Variants in KCNH5 observed in about 807,000 individuals in gnomAD.
KCNH5 encodes voltage-gated delayed rectifier potassium channel KCNH5.
Under a neutral mutation model 96.1 loss-of-function variants are expected in KCNH5, and 46 were observed. The observed-to-expected ratio is 0.48, with a 90% CI of 0.38 to 0.61. The LOEUF is 0.61. KCNH5 is among the 20% of genes least tolerant of loss of function. The pLI is 0.00. For synonymous variants in KCNH5, 439 were observed against 449.8 expected (o/e 0.98, Z 0.30); for missense variants, 907 against 1,225.8 (o/e 0.74, Z 3.88).
intron 7 of KCNH5, among the ~76,000 whole-genome samples, chr14:62,938,518 G>A (rs568905391): frequency 5.7e-4 from 87 of 152,298 alleles, no homozygotes; most frequent in African/African-American, 1.9e-3. Context: ...CCTTTGGTAT[G>A]ACATTTATTT....
chr14:62,930,666 T>C (rs1440304414), intron 7 of KCNH5, among the ~76,000 whole-genome samples: 1 of 152,134 alleles, frequency 6.6e-6, no homozygotes, highest in Non-Finnish European at 1.5e-5. Flanking sequence ...TCACACAGCA[T>C]TGTGAAGAAT....
chr14:62,775,500 A>G (rs1375906007), intron 10 of KCNH5, among the ~76,000 whole-genome samples: 2 of 152,230 alleles, frequency 1.3e-5, no homozygotes, highest in Non-Finnish European at 2.9e-5. Flanking sequence ...CCCACAAGGC[A>G]ATGTCCTACC....
Position 62,982,749 on chromosome 14 carries a change from T to C in KCNH5, c.550-1485A>G, listed in dbSNP as rs141887069. On this transcript the variant is annotated intron_variant, in intron 5 of 10. Transcript: ENST00000322893. The stretch of plus-strand genomic sequence containing the variant: ...ATATCCATTTTTACTATTTTTGATA[T>C]GGAAAACATCACTGGTGGTCCCTTT... Among the ~76,000 whole-genome samples the C allele has an allele frequency of 5.9e-5, 9 of 152,346 alleles. No homozygotes were observed. In the East Asian group the frequency reaches 1.7e-3, roughly 29 times the overall value.
At chr14:62,713,920 C>A (rs1338388119) in intron 10 of KCNH5, among the ~76,000 whole-genome samples, 1 of 152,164 alleles carries the variant, frequency 6.6e-6, no homozygotes. Context: ...AGCTATATTT[C>A]CATGGTAATT....
chr14:63,039,487 A>T (rs1891782959), intron 1 of KCNH5, among the ~76,000 whole-genome samples: 2 of 152,018 alleles, frequency 1.3e-5, no homozygotes, highest in South Asian at 4.1e-4. Flanking sequence ...ATTCAATATA[A>T]ATTATATAAA....
chr14:62,991,976 C>T (rs1195978567), intron 4 of KCNH5, among the ~76,000 whole-genome samples: 1 of 151,992 alleles, frequency 6.6e-6, no homozygotes, highest in South Asian at 2.1e-4. Flanking sequence ...TCCACCCTCT[C>T]CCACGCCTTC....
intron 9 of KCNH5, among the ~76,000 whole-genome samples, chr14:62,798,808 G>A (rs1002606000): frequency 2.0e-5 from 3 of 152,090 alleles, no homozygotes; most frequent in African/African-American, 7.2e-5. Context: ...CGTGCCTATC[G>A]AGAGACTGTT....
At chr14:62,877,725 G>C (rs1888404836) in intron 7 of KCNH5, among the ~76,000 whole-genome samples, 1 of 150,312 alleles carries the variant, frequency 6.7e-6, no homozygotes, top group Non-Finnish European at 1.5e-5. Flanking sequence ...GGAGAAATAG[G>C]AACACTTTTA....
intron 8 of KCNH5, among the ~76,000 whole-genome samples, chr14:62,803,532 G>T (rs1209961827): frequency 2.0e-5 from 3 of 152,278 alleles, no homozygotes; most frequent in African/African-American, 7.2e-5. Context: ...ATTTTGTATG[G>T]CAGTCCTTGT....
intron 6 of KCNH5, among the ~76,000 whole-genome samples, chr14:62,952,978 T>G (rs1033140876): frequency 6.6e-6 from 1 of 151,884 alleles, no homozygotes; most frequent in Non-Finnish European, 1.5e-5. Flanking sequence ...CATTAGTAAA[T>G]AGACATACTT....
chr14:62,962,397 T>G (rs1215425715), intron 6 of KCNH5, among the ~76,000 whole-genome samples: 2 of 152,126 alleles, frequency 1.3e-5, no homozygotes, highest in African/African-American at 4.8e-5. Flanking sequence ...AAAACTGCAA[T>G]GGATTAATTA....
intron 8 of KCNH5, among the ~76,000 whole-genome samples, chr14:62,811,914 ATCAGCAAAAAC>A (rs1287237137): frequency 6.6e-6 from 1 of 152,170 alleles, no homozygotes; most frequent in African/African-American, 2.4e-5. Context: ...CTCCAGATCC[ATCAGCAAAAAC>A]TCTTATTGAG....
chr14:62,949,800 CTTTTT>C (rs10523496), intron 7 of KCNH5: 7 of 168,304 alleles, frequency 4.2e-5, no homozygotes, highest in Admixed American at 2.6e-4. Context: ...GATCCTATCT[CTTTTT>C]TTTTTTTTTT....
intron 1 of KCNH5, among the ~76,000 whole-genome samples, chr14:63,040,136 C>T: frequency 6.6e-6 from 1 of 152,050 alleles, no homozygotes; most frequent in African/African-American, 2.4e-5. Flanking sequence ...TAAAGGGCTT[C>T]TTTAGGAAAT....
At chr14:62,861,637 TACACACAC>T (rs142699720) in intron 7 of KCNH5, among the ~76,000 whole-genome samples, 105 of 141,916 alleles carry the variant, frequency 7.4e-4, no homozygotes, top group African/African-American at 2.4e-3. Flanking sequence ...CATCTCCATT[TACACACAC>T]ACACACACAC....
At chr14:62,897,795 C>T (rs1255046491) in intron 7 of KCNH5, among the ~76,000 whole-genome samples, 1 of 152,084 alleles carries the variant, frequency 6.6e-6, no homozygotes, top group Non-Finnish European at 1.5e-5. Flanking sequence ...TTTTTGTGTT[C>T]CCTCTTTGTT....
chr14:62,945,187 A>G (rs949512978), intron 7 of KCNH5, among the ~76,000 whole-genome samples: 3 of 152,198 alleles, frequency 2.0e-5, no homozygotes, highest in African/African-American at 7.2e-5. Context: ...GTAGATGGTA[A>G]GAAGCAGTGA....
chr14:62,952,084 A>G (rs1304046463), intron 6 of KCNH5, among the ~76,000 whole-genome samples: 1 of 152,226 alleles, frequency 6.6e-6, no homozygotes, highest in Non-Finnish European at 1.5e-5. Flanking sequence ...AAGATAACAA[A>G]GAGAAGTAGA....
At chr14:62,793,786 A>T (rs1303842732) in intron 9 of KCNH5, among the ~76,000 whole-genome samples, 4 of 151,822 alleles carry the variant, frequency 2.6e-5, no homozygotes, top group African/African-American at 9.7e-5. Context: ...AGAAGTCTTT[A>T]ATTTTGTGAG....
Sources: gnomAD v4.1 joint callset for allele counts (sites outside exome capture counted in the v4.1 genomes callset) on GRCh38, gnomAD v4.1.1 for gene constraint, MANE v1.5 for transcripts, NCBI Gene and HGNC (gene_info 2026-07-23, HGNC 2026-07-21) for gene names.